Variants in DENND5B observed in about 807,000 individuals in gnomAD.
DENND5B encodes DENN domain containing 5B.
DENND5B carries 34 observed loss-of-function variants against 140.6 expected under a neutral mutation model. The ratio of observed to expected loss-of-function variants is 0.24; its 90% CI spans 0.18 to 0.32. The LOEUF is 0.32. DENND5B is among the 10% of genes least tolerant of loss of function. DENND5B has a pLI of 1.00. For missense variants in DENND5B, 1,142 were observed against 1,560.2 expected, an observed-to-expected ratio of 0.73 and a Z score of 4.52; for synonymous variants, 551 against 562.1, an observed-to-expected ratio of 0.98 and a Z score of 0.28.
At chr12:31,491,768 T>C (rs572631327) in intron 2 of DENND5B, among the ~76,000 whole-genome samples, 1 of 152,354 alleles carries the variant, frequency 6.6e-6, no homozygotes. Context: ...TGTATTTATT[T>C]TCTATTTTAT....
chr12:31,420,787 A>G (rs1376472783), intron 11 of DENND5B, among the ~76,000 whole-genome samples: 2 of 152,142 alleles, frequency 1.3e-5, no homozygotes, highest in African/African-American at 4.8e-5. Context: ...TGATATGTCA[A>G]GAACAGTCTT....
At chr12:31,478,142 T>C (rs564706266) in intron 3 of DENND5B, among the ~76,000 whole-genome samples, 1 of 152,156 alleles carries the variant, frequency 6.6e-6, no homozygotes, top group East Asian at 1.9e-4. Context: ...AGAGAATAAC[T>C]TCCTGACAAC....
chr12:31,399,557 G>A (rs946530662), intron 16 of DENND5B, 97 bp downstream of exon 16: 1 of 959,792 alleles, frequency 1.0e-6, no homozygotes, highest in Admixed American at 2.3e-5. Flanking sequence ...GGGATTATAG[G>A]TGTGAGCCAC....
Position 31,439,304 on chromosome 12 carries a change from T to C in DENND5B, c.2012+3471A>G, listed in dbSNP as rs568841252. Among the ~76,000 whole-genome samples the C allele has an allele frequency of 3.3e-5, 5 of 152,288 alleles. No homozygotes were observed. The South Asian group carries it at 1.0e-3, about 32-fold the overall frequency. ...TGACTATATCTACCTGAAAACGTAA[T>C]GACTGAGGCTTCGTGTGGAAATGGG... On this transcript the variant is annotated intron_variant, in intron 7 of 20. Coordinates refer to ENST00000389082, the MANE Select transcript of DENND5B (RefSeq NM_144973.4).
intron 3 of DENND5B, among the ~76,000 whole-genome samples, chr12:31,471,451 C>T (rs963970749): frequency 2.0e-5 from 3 of 148,608 alleles, no homozygotes; most frequent in Non-Finnish European, 4.4e-5. Context: ...TCGCACACCA[C>T]CATGCCTGTA....
intron 3 of DENND5B, among the ~76,000 whole-genome samples, chr12:31,461,300 T>C (rs559435254): frequency 6.6e-6 from 1 of 152,296 alleles, no homozygotes; most frequent in East Asian, 1.9e-4. Context: ...ACACTTTCTA[T>C]GTCTAACCCC....
chr12:31,471,825 G>C (rs1254875364), intron 3 of DENND5B, among the ~76,000 whole-genome samples: 1 of 152,162 alleles, frequency 6.6e-6, no homozygotes, highest in Non-Finnish European at 1.5e-5. Flanking sequence ...TGATGATTCA[G>C]TCAGAAATGA....
intron 1 of DENND5B, among the ~76,000 whole-genome samples, chr12:31,556,320 G>T (rs535024292): frequency 1.1e-3 from 172 of 152,188 alleles, no homozygotes; most frequent in African/African-American, 3.9e-3. Context: ...TTCTGTCTCA[G>T]CCTCCCAAGT....
chr12:31,416,717 C>T (rs1382072011), intron 11 of DENND5B, among the ~76,000 whole-genome samples: 1 of 151,908 alleles, frequency 6.6e-6, no homozygotes, highest in Non-Finnish European at 1.5e-5. Flanking sequence ...AAAATCTAAG[C>T]TGTGTACGGT....
At chr12:31,395,282 C>G (rs1941376163) in intron 17 of DENND5B, among the ~76,000 whole-genome samples, 1 of 152,116 alleles carries the variant, frequency 6.6e-6, no homozygotes, top group Non-Finnish European at 1.5e-5. Context: ...ACATCCTCAC[C>G]AATATTTGTT....
chr12:31,432,800 A>G, intron 8 of DENND5B: 1 of 181,902 alleles, frequency 5.5e-6, no homozygotes, highest in Non-Finnish European at 1.1e-5. Context: ...AGTACATCAC[A>G]CTACTCCTTA....
intron 1 of DENND5B, among the ~76,000 whole-genome samples, chr12:31,550,518 T>C (rs1009584413): frequency 6.6e-5 from 10 of 152,152 alleles, no homozygotes; most frequent in Non-Finnish European, 1.5e-4. Flanking sequence ...AGTGCCACTA[T>C]AAACATACGT....
chr12:31,447,681 T>A lies in DENND5B; in HGVS notation c.1718A>T (p.Asn573Ile), dbSNP rs981459549. 8.7e-6 allele frequency: 14 copies of A among 1,613,226 alleles called. No homozygotes were observed. In the African/African-American group the frequency reaches 1.6e-4, roughly 18 times the overall value. Residue 573 changes from asparagine (N) to isoleucine (I), a missense_variant, in exon 6 of 21, where the codon AAT (asparagine) becomes ATT (isoleucine). Transcript: ENST00000389082. ...CTCTTCCCACTGAGACATAATTTTA[T>A]TATCAATAAAGGTGGCAAACATCTG... is the stretch of plus-strand genomic sequence containing the variant. ...ETQMFATFIDNKIMSQWEEKD... is the reference protein window; with the variant it reads ...ETQMFATFIDIKIMSQWEEKD...
chr12:31,466,325 C>T (rs1945266060), intron 3 of DENND5B, among the ~76,000 whole-genome samples: 1 of 151,674 alleles, frequency 6.6e-6, no homozygotes, highest in Admixed American at 6.6e-5. Flanking sequence ...TGCACTCCAG[C>T]CTGGCAACAG....
intron 8 of DENND5B, chr12:31,432,472 C>T (rs547757529): frequency 3.3e-5 from 5 of 151,948 alleles, no homozygotes; most frequent in African/African-American, 4.8e-5. Context: ...TCATAAGAAA[C>T]GAAACAATCA....
At chr12:31,422,188 G>A (rs1184196845) in intron 11 of DENND5B, among the ~76,000 whole-genome samples, 2 of 151,600 alleles carry the variant, frequency 1.3e-5, no homozygotes, top group African/African-American at 4.8e-5. Flanking sequence ...GGGAGGCCGA[G>A]GCGGGTGGAT....
intron 1 of DENND5B, among the ~76,000 whole-genome samples, chr12:31,559,554 CT>C (rs1949404347): frequency 6.6e-6 from 1 of 152,084 alleles, no homozygotes; most frequent in Non-Finnish European, 1.5e-5. Flanking sequence ...GAATTTACAT[CT>C]TTAATTTTTA....
In DENND5B at chr12:31,388,239, T is replaced by C. The variant is rs867823292; in HGVS notation, c.3642-453A>G. The stretch of plus-strand genomic sequence containing the variant: ...TGTAGGGACTTGCTTTTTTTTTTTT[T>C]TTTTTTTTTAACTTATATAACATAA... On this transcript the variant is annotated intron_variant, in intron 20 of 20. Transcript: ENST00000389082. 6.9e-3 allele frequency among the ~76,000 whole-genome samples: 1,036 copies of C among 150,966 alleles called. 9 individuals are homozygous for C. The highest frequency in any genetic ancestry group is 0.017 in the Middle Eastern group (5 of 292).
rs765425601 is a variant in DENND5B, at chr12:31,480,272, A to G, written c.238-17T>C. The G allele has an allele frequency of 1.3e-5, 19 of 1,468,074 alleles. No homozygotes were observed. Among genetic ancestry groups the G allele is most frequent in the Admixed American group, 5.5e-5 (2 of 36,494 alleles). 90.9% of individuals were successfully genotyped at this position (1,468,074 alleles called of 1,614,324 possible). On this transcript the variant is annotated splice_polypyrimidine_tract_variant and intron_variant, in intron 2 of 20. Coordinates refer to ENST00000389082, the MANE Select transcript of DENND5B (RefSeq NM_144973.4). ...CATGCACAACTGTGAAAGAAAGAAAAAAAAAAATCAGAATGCAGTACACAA... is the reference window on the plus strand; with the variant it reads ...CATGCACAACTGTGAAAGAAAGAAAGAAAAAAATCAGAATGCAGTACACAA...
Sources: gnomAD v4.1 joint callset for allele counts (sites outside exome capture counted in the v4.1 genomes callset) on GRCh38, gnomAD v4.1.1 for gene constraint, MANE v1.5 for transcripts, NCBI Gene and HGNC (gene_info 2026-07-23, HGNC 2026-07-21) for gene names.